The following TMEM212 variants were observed in gnomAD, a reference collection of about 807,000 sequenced individuals.
TMEM212 encodes transmembrane protein 212.
Under a neutral mutation model 20.5 loss-of-function variants are expected in TMEM212, and 23 were observed. That is an observed-to-expected ratio of 1.12 (90% confidence interval 0.81 to 1.59). The LOEUF is 1.59. Among genes scored for constraint, TMEM212 ranks in the 40% most tolerant of loss-of-function variants. TMEM212 has a pLI of 0.00. For missense variants in TMEM212, 211 were observed against 215.0 expected, an observed-to-expected ratio of 0.98 and a Z score of 0.12; for synonymous variants, 76 against 81.6, an observed-to-expected ratio of 0.93 and a Z score of 0.37.
intron 2 of TMEM212, among the ~76,000 whole-genome samples, chr3:171,852,736 C>T (rs1456669974): frequency 1.3e-5 from 2 of 152,224 alleles, no homozygotes; most frequent in Non-Finnish European, 2.9e-5. Context: ...AAAGTCTATG[C>T]TATCTTGCAT....
Position 171,853,719 on chromosome 3 carries a change from C to G in TMEM212, c.412C>G (p.Pro138Ala), listed in dbSNP as rs1725045912. 4.7e-5 allele frequency: 72 copies of G among 1,537,278 alleles called. No individual in the cohort carries two copies. Among genetic ancestry groups the G allele is most frequent in the Non-Finnish European group, 6.2e-5 (71 of 1,146,902 alleles). Reference protein sequence around the residue: ...YAKFPLACVDPPHYEEYHLTL... With the variant: ...YAKFPLACVDAPHYEEYHLTL... ...AAAATTCCCATTAGCCTGTGTGGACCCACCACACTACGAAGAGTACCACCT... is the reference window on the plus strand; with the variant it reads ...AAAATTCCCATTAGCCTGTGTGGACGCACCACACTACGAAGAGTACCACCT... Residue 138 changes from proline to alanine, a missense_variant, in exon 3 of 5, where the codon CCA becomes GCA. Coordinates refer to ENST00000334567, the MANE Select transcript of TMEM212 (RefSeq NM_001164436.2).
intron 1 of TMEM212, among the ~76,000 whole-genome samples, chr3:171,845,879 C>A (rs1319962843): frequency 6.6e-6 from 1 of 152,180 alleles, no homozygotes; most frequent in Non-Finnish European, 1.5e-5. Context: ...AGAAGGAACA[C>A]AATTTAAACA....
At position 171,856,708 on chromosome 3, in the gene TMEM212, G is replaced by A; in HGVS notation, c.*3+1G>A. The A allele has an allele frequency of 2.9e-6, 2 of 684,248 alleles. No individual in the cohort carries two copies. The highest frequency in any genetic ancestry group is 5.3e-6 in the Non-Finnish European group (2 of 374,308). The allele number at this position is 684,248 out of a possible 1,614,324, so 42.4% of individuals were successfully genotyped here. A position where few individuals can be genotyped will look rare whatever the true frequency, so the allele number is the denominator to read the frequency against. On this transcript the variant is annotated splice_donor_variant, in intron 4 of 4. Transcript: ENST00000334567. LOFTEE classifies it low-confidence loss of function (3UTR_SPLICE). ...CCCAAACCCTTTTTCACCATAAAAG[G>A]TAAAATGGTCTGGGGATAGAAAAGG...
chr3:171,845,948 A>G (rs1481722884), intron 1 of TMEM212, among the ~76,000 whole-genome samples: 1 of 152,220 alleles, frequency 6.6e-6, no homozygotes. Context: ...GCTAGTTAAT[A>G]CTATGCCTTT....
In TMEM212 at chr3:171,853,925, G is replaced by C. The variant is rs75332498; in HGVS notation, c.543+75G>C. The stretch of plus-strand genomic sequence containing the variant: ...AAATGGAAAGTCTGGTATGTGAACA[G>C]TTGATCTTTCTCTGTTATTTACCAT... On this transcript the variant is annotated intron_variant, in intron 3 of 4. Coordinates refer to ENST00000334567, the MANE Select transcript of TMEM212 (RefSeq NM_001164436.2). 1.2e-3 allele frequency: 1,345 copies of C among 1,153,322 alleles called. 22 individuals carry two copies. In the East Asian group the frequency reaches 0.023, roughly 20 times the overall value. The allele number at this position is 1,153,322 out of a possible 1,614,324, so 71.4% of individuals were successfully genotyped here.
chr3:171,852,459 C>G (rs139429455), intron 2 of TMEM212, among the ~76,000 whole-genome samples: 5 of 152,310 alleles, frequency 3.3e-5, no homozygotes, highest in African/African-American at 1.2e-4. Flanking sequence ...CATCAGTCTC[C>G]CAAAATGCTG....
At chr3:171,844,662 T>C (rs76342933) in intron 1 of TMEM212, among the ~76,000 whole-genome samples, 1 of 151,962 alleles carries the variant, frequency 6.6e-6, no homozygotes, top group Admixed American at 6.6e-5. Context: ...GCCGAGATCA[T>C]ACCACTGCAC....
chr3:171,846,634 T>C (rs1724840566), intron 1 of TMEM212, among the ~76,000 whole-genome samples: 1 of 152,220 alleles, frequency 6.6e-6, no homozygotes, highest in Non-Finnish European at 1.5e-5. Flanking sequence ...TGAATACCAA[T>C]TAGGTTGCAA....
At chr3:171,850,171 C>CA (rs1724941079) in intron 1 of TMEM212, among the ~76,000 whole-genome samples, 1 of 152,088 alleles carries the variant, frequency 6.6e-6, no homozygotes, top group Non-Finnish European at 1.5e-5. Context: ...GGGAAAATAG[C>CA]CCTATTCTAT....
Position 171,843,423 on chromosome 3 carries a change from A to T in TMEM212, c.40A>T (p.Thr14Ser). Residue 14 changes from threonine (T) to serine (S), a missense_variant, in exon 1 of 5, where the codon ACT (threonine) becomes TCT (serine). Coordinates refer to ENST00000334567, the MANE Select transcript of TMEM212 (RefSeq NM_001164436.2). ...LYQAAGRILV[T>S]LGILSVCSGV... ...CCAGGCTGCTGGCCGGATTCTTGTT[A>T]CTCTGGGGATCCTCAGTGTATGCTC... The T allele has an allele frequency of 6.5e-7, 1 of 1,536,388 alleles. No homozygotes were observed. Among genetic ancestry groups the T allele is most frequent in the Non-Finnish European group, 8.7e-7 (1 of 1,146,534 alleles).
At chr3:171,847,838 G>C (rs973858427) in intron 1 of TMEM212, among the ~76,000 whole-genome samples, 1 of 152,034 alleles carries the variant, frequency 6.6e-6, no homozygotes, top group Non-Finnish European at 1.5e-5. Context: ...CAGATATTGA[G>C]ACTAGGGGGG....
chr3:171,852,771 C>T (rs1246417390), intron 2 of TMEM212, among the ~76,000 whole-genome samples: 1 of 152,202 alleles, frequency 6.6e-6, no homozygotes, highest in Non-Finnish European at 1.5e-5. Flanking sequence ...ACCAGATAAT[C>T]CCATGATACA....
In TMEM212 at chr3:171,853,850, C is replaced by T. The variant is rs202222821; in HGVS notation, c.543C>T (p.Asn181=). 534 of 1,531,218 alleles carry T rather than the reference C, an allele frequency of 3.5e-4. No homozygotes were observed. The highest frequency in any genetic ancestry group is 4.5e-4 in the Non-Finnish European group (510 of 1,142,768). 94.9% of individuals were successfully genotyped at this position (1,531,218 alleles called of 1,614,324 possible). Residue 181 remains asparagine, a splice_region_variant and synonymous_variant, in exon 3 of 5, where the codon AAC becomes AAT. Coordinates refer to ENST00000334567, the MANE Select transcript of TMEM212 (RefSeq NM_001164436.2). ...SARLIQNGHI[N]MQLPAGNPNP... ...GACTTATCCAGAATGGACACATAAA[C>T]GTAAGTTTCAACAAAGGGGAGGCAG...
chr3:171,857,368 T>C (rs1035722196), intron 4 of TMEM212, among the ~76,000 whole-genome samples: 1 of 152,160 alleles, frequency 6.6e-6, no homozygotes, highest in African/African-American at 2.4e-5. Flanking sequence ...ACGACCCCGA[T>C]CTGAGGCCAG....
intron 3 of TMEM212, among the ~76,000 whole-genome samples, chr3:171,854,394 T>C (rs1045213484): frequency 6.6e-6 from 1 of 152,048 alleles, no homozygotes; most frequent in Non-Finnish European, 1.5e-5. Flanking sequence ...AACAATCCTA[T>C]TTACAACATC....
chr3:171,844,333 G>T (rs1398850816), intron 1 of TMEM212, among the ~76,000 whole-genome samples: 4 of 152,146 alleles, frequency 2.6e-5, no homozygotes, highest in Non-Finnish European at 5.9e-5. Flanking sequence ...TTCTCTCATT[G>T]ATTCCTGTGA....
rs199987799 is a variant in TMEM212 at position 171,848,609 on chromosome 3, G to GAATAGAAT, written c.160-3371_160-3370insTAGAATAA. Among the ~76,000 whole-genome samples the GAATAGAAT allele has an allele frequency of 5.3e-5, 8 of 152,246 alleles. No homozygotes were observed. The East Asian group carries it at 1.5e-3, about 29-fold the overall frequency. ...GAATAGAATAGAATAGAATAGAATA[G>GAATAGAAT]AACAGAGGAGAACAGAGTAGAGTGG... On this transcript the variant is annotated intron_variant, in intron 1 of 4. Coordinates refer to ENST00000334567, the MANE Select transcript of TMEM212 (RefSeq NM_001164436.2).
rs1725162300 is a variant in TMEM212, at chr3:171,858,276, C to A, written c.*219C>A. 6.6e-6 allele frequency: 1 copy of A among 152,110 alleles called. No individual in the cohort carries two copies. The highest frequency in any genetic ancestry group is 2.4e-5 in the African/African-American group (1 of 41,364). 9.4% of individuals were successfully genotyped at this position (152,110 alleles called of 1,614,324 possible). On this transcript the variant is annotated 3_prime_UTR_variant, in exon 5 of 5. Transcript: ENST00000334567. Reference sequence around the variant, plus strand: ...CCTCAGAAATAACACCACACATATACAACCATCTGATCTTTGACAAACCTG... The same window carrying A: ...CCTCAGAAATAACACCACACATATAAAACCATCTGATCTTTGACAAACCTG...
chr3:171,856,198 T>C (rs978273113), intron 3 of TMEM212, among the ~76,000 whole-genome samples: 2 of 152,180 alleles, frequency 1.3e-5, no homozygotes, highest in African/African-American at 4.8e-5. Flanking sequence ...TTTACTATAG[T>C]GAATTGTAAA....
Sources: gnomAD v4.1 joint callset for allele counts (sites outside exome capture counted in the v4.1 genomes callset) on GRCh38, gnomAD v4.1.1 for gene constraint, MANE v1.5 for transcripts, NCBI Gene and HGNC (gene_info 2026-07-23, HGNC 2026-07-21) for gene names.